The following MAP2 variants were observed in gnomAD, a reference collection of about 807,000 sequenced individuals.
MAP2 encodes the protein microtubule-associated protein 2.
In MAP2, 14 loss-of-function variants were observed where a neutral mutation model predicts 137.6. The ratio of observed to expected loss-of-function variants is 0.10; its 90% CI spans 0.07 to 0.16. The LOEUF (loss-of-function observed/expected upper bound fraction) is 0.16, where lower values mean the gene tolerates loss of function less well. Among genes scored for constraint, MAP2 ranks in the 10% least tolerant of loss-of-function variants. The probability of loss-of-function intolerance (pLI) is 1.00; values close to 1 mark genes in which losing one functional copy is unlikely to be tolerated. For missense variants in MAP2, 2,088 were observed against 2,191.5 expected, an observed-to-expected ratio of 0.95 and a Z score of 0.94; for synonymous variants, 786 against 782.3, an observed-to-expected ratio of 1.00 and a Z score of -0.08.
chr2:209,444,910 T>TA (rs1490425127), intron 1 of MAP2, among the ~76,000 whole-genome samples: 11 of 151,414 alleles, frequency 7.3e-5, no homozygotes, highest in Admixed American at 4.6e-4. Flanking sequence ...TTGTCACATA[T>TA]AAAAAAGCTT....
In MAP2 at chr2:209,580,052, C is replaced by G. The variant is rs2076062127; in HGVS notation, c.-155C>G. On this transcript the variant is annotated 5_prime_UTR_variant, in exon 3 of 16. Coordinates refer to ENST00000682079, the MANE Select transcript of MAP2 (RefSeq NM_001375505.1). ...TTTCGGTAGATTCTTCAGCTTGTCTCTAACCGAGGAAGCATTGATTGGGAG... is the reference window on the plus strand; with the variant it reads ...TTTCGGTAGATTCTTCAGCTTGTCTGTAACCGAGGAAGCATTGATTGGGAG... 6.6e-6 allele frequency: 1 copy of G among 151,418 alleles called. No individual in the cohort carries two copies. Among genetic ancestry groups the G allele is most frequent in the Non-Finnish European group, 1.5e-5 (1 of 67,898 alleles). The allele number at this position is 151,418 out of a possible 1,614,324, so 9.4% of individuals were successfully genotyped here.
chr2:209,715,181 T>A (rs1035781433), intron 13 of MAP2, among the ~76,000 whole-genome samples: 5 of 152,130 alleles, frequency 3.3e-5, no homozygotes, highest in Non-Finnish European at 7.4e-5. Flanking sequence ...AGTTATTTTT[T>A]AAATAATTCT....
chr2:209,528,412 C>T (rs1403278678), intron 2 of MAP2, among the ~76,000 whole-genome samples: 1 of 152,008 alleles, frequency 6.6e-6, no homozygotes, highest in South Asian at 2.1e-4. Context: ...GGAATGGTTC[C>T]TCACTTTAAA....
intron 7 of MAP2, chr2:209,690,520 C>A: frequency 9.2e-7 from 1 of 1,092,540 alleles, no homozygotes; most frequent in Non-Finnish European, 1.2e-6. Context: ...TCTAATGGAG[C>A]TGAAAGTGTT....
chr2:209,563,816 C>T (rs1033535154), intron 2 of MAP2, among the ~76,000 whole-genome samples: 1 of 151,894 alleles, frequency 6.6e-6, no homozygotes, highest in African/African-American at 2.4e-5. Context: ...TCACTTTATA[C>T]TTTGCTTTGC....
At chr2:209,675,551 A>G (rs1315156188) in intron 5 of MAP2, among the ~76,000 whole-genome samples, 2 of 151,884 alleles carry the variant, frequency 1.3e-5, no homozygotes, top group Non-Finnish European at 2.9e-5. Flanking sequence ...TTCAAAGTCT[A>G]TTTATACAGT....
At chr2:209,541,762 C>A (rs750071522) in intron 2 of MAP2, among the ~76,000 whole-genome samples, 33 of 152,224 alleles carry the variant, frequency 2.2e-4, no homozygotes, top group Non-Finnish European at 4.0e-4. Context: ...TCAGAGCAAT[C>A]CAGTCACATC....
intron 5 of MAP2, among the ~76,000 whole-genome samples, chr2:209,659,510 T>C (rs975776558): frequency 2.1e-4 from 32 of 152,194 alleles, no homozygotes; most frequent in African/African-American, 7.5e-4. Context: ...GCAGCAGTTA[T>C]CGATTACAGG....
At chr2:209,643,706 A>G (rs1290214258) in intron 4 of MAP2, among the ~76,000 whole-genome samples, 1 of 152,112 alleles carries the variant, frequency 6.6e-6, no homozygotes, top group African/African-American at 2.4e-5. Flanking sequence ...TTTTTTAACC[A>G]TGGACAATTG....
chr2:209,654,013 G>A (rs1054040774), intron 5 of MAP2, among the ~76,000 whole-genome samples: 2 of 152,114 alleles, frequency 1.3e-5, no homozygotes, highest in African/African-American at 4.8e-5. Context: ...TGGATACAAA[G>A]CATAACATGT....
intron 12 of MAP2, among the ~76,000 whole-genome samples, chr2:209,706,996 A>G (rs2063636476): frequency 6.6e-6 from 1 of 152,174 alleles, no homozygotes. Context: ...CAGGAAGGTC[A>G]TTTAAGATTT....
intron 1 of MAP2, among the ~76,000 whole-genome samples, chr2:209,473,164 T>A (rs1459342295): frequency 6.6e-6 from 1 of 152,106 alleles, no homozygotes; most frequent in African/African-American, 2.4e-5. Flanking sequence ...TGGTCTGGTC[T>A]GTCTCAAGTA....
intron 1 of MAP2, among the ~76,000 whole-genome samples, chr2:209,455,184 A>C (rs1212180862): frequency 6.6e-6 from 1 of 152,206 alleles, no homozygotes; most frequent in Non-Finnish European, 1.5e-5. Flanking sequence ...TTGTGGGGAC[A>C]TAATTTAGTC....
intron 3 of MAP2, among the ~76,000 whole-genome samples, chr2:209,589,340 T>C (rs2078630534): frequency 6.6e-6 from 1 of 152,184 alleles, no homozygotes; most frequent in South Asian, 2.1e-4. Flanking sequence ...CTCAAGTCAA[T>C]GCACTAGAAA....
chr2:209,583,801 A>G (rs1028851935), intron 3 of MAP2, among the ~76,000 whole-genome samples: 4 of 149,176 alleles, frequency 2.7e-5, no homozygotes, highest in African/African-American at 9.8e-5. Context: ...TTTTAGATTC[A>G]GAGAGTACAT....
chr2:209,538,862 G>A (rs1214333631), intron 2 of MAP2, among the ~76,000 whole-genome samples: 2 of 152,082 alleles, frequency 1.3e-5, no homozygotes, highest in East Asian at 3.8e-4. Flanking sequence ...ATATAGATTA[G>A]AGTAGCTAAC....
chr2:209,440,717 A>T (rs1393830735), intron 1 of MAP2, among the ~76,000 whole-genome samples: 1 of 151,476 alleles, frequency 6.6e-6, no homozygotes, highest in Non-Finnish European at 1.5e-5. Context: ...TGGAATTATA[A>T]GGCACCTTTC....
At chr2:209,563,587 C>T (rs1013835234) in intron 2 of MAP2, among the ~76,000 whole-genome samples, 3 of 152,152 alleles carry the variant, frequency 2.0e-5, no homozygotes, top group African/African-American at 7.2e-5. Flanking sequence ...TAGTGAAATC[C>T]CTTGGCCTCT....
In MAP2 at chr2:209,502,277, C is replaced by A. The variant is rs2060475072; in HGVS notation, c.-221-5315C>A. ...GCCAACCTCCCCACCTCCAGATAAC[C>A]ACCATTCTACTCCGCTTCTATGAGT... On this transcript the variant is annotated intron_variant, in intron 1 of 15. Transcript: ENST00000682079. Among the ~76,000 whole-genome samples the A allele has an allele frequency of 2.0e-5, 3 of 152,244 alleles. No individual in the cohort carries two copies. In the South Asian group the frequency reaches 6.2e-4, roughly 32 times the overall value.
Sources: gnomAD v4.1 joint callset for allele counts (sites outside exome capture counted in the v4.1 genomes callset) on GRCh38, gnomAD v4.1.1 for gene constraint, MANE v1.5 for transcripts, NCBI Gene and HGNC (gene_info 2026-07-23, HGNC 2026-07-21) for gene names.